The following JMJD1C variants were observed in gnomAD, a reference collection of about 807,000 sequenced individuals.
JMJD1C encodes jumonji domain containing 1C, also known as jumonji domain-containing protein 1C.
JMJD1C carries 31 observed loss-of-function variants against 245.3 expected under a neutral mutation model. That is an observed-to-expected ratio of 0.13 (90% CI 0.09 to 0.17). The LOEUF (loss-of-function observed/expected upper bound fraction) is 0.17. JMJD1C is among the 10% of genes least tolerant of loss of function. JMJD1C has a pLI of 1.00. For missense variants in JMJD1C, 2,691 were observed against 3,000.2 expected, an observed-to-expected ratio of 0.90 and a Z score of 2.41; for synonymous variants, 1,057 against 1,017.4, an observed-to-expected ratio of 1.04 and a Z score of -0.74.
intron 2 of JMJD1C, among the ~76,000 whole-genome samples, chr10:63,373,346 G>C (rs12260434): frequency 0.14 from 20,682 of 152,056 alleles, 3,250 homozygotes; most frequent in African/African-American, 0.39. Context: ...TCCAGAGAAG[G>C]AGCCTGGGTA....
chr10:63,199,243 A>T (rs1176029196), intron 11 of JMJD1C, among the ~76,000 whole-genome samples: 1 of 152,162 alleles, frequency 6.6e-6, no homozygotes, highest in Non-Finnish European at 1.5e-5. Context: ...AACCCCATTA[A>T]TGTGCTTACT....
chr10:63,333,622 C>T (rs940724655), intron 2 of JMJD1C, among the ~76,000 whole-genome samples: 1 of 152,150 alleles, frequency 6.6e-6, no homozygotes, highest in Non-Finnish European at 1.5e-5. Flanking sequence ...TAAAATGTTA[C>T]CATCTTGTGG....
At chr10:63,218,087 A>C (rs2133257123) in intron 4 of JMJD1C, among the ~76,000 whole-genome samples, 1 of 152,216 alleles carries the variant, frequency 6.6e-6, no homozygotes, top group African/African-American at 2.4e-5. Context: ...CTGTAAGGGA[A>C]AAAACTGCTG....
chr10:63,521,615 GC>G, intron 1 of JMJD1C: 1 of 1,370,846 alleles, frequency 7.3e-7, no homozygotes, highest in Non-Finnish European at 9.6e-7. Flanking sequence ...CCGGCGCGAG[GC>G]CCAGGGGAGC....
intron 2 of JMJD1C, among the ~76,000 whole-genome samples, chr10:63,297,710 G>C (rs1383725057): frequency 6.6e-6 from 1 of 152,126 alleles, no homozygotes; most frequent in Non-Finnish European, 1.5e-5. Flanking sequence ...GCCACCCCAT[G>C]GGATGGGAAA....
chr10:63,490,185 G>A (rs1954122767), intron 1 of JMJD1C, among the ~76,000 whole-genome samples: 1 of 152,156 alleles, frequency 6.6e-6, no homozygotes, highest in Non-Finnish European at 1.5e-5. Context: ...AGATGTACAA[G>A]CTGTCTCCAA....
chr10:63,457,997 T>A (rs1952524330), intron 1 of JMJD1C, among the ~76,000 whole-genome samples: 1 of 152,204 alleles, frequency 6.6e-6, no homozygotes, highest in Non-Finnish European at 1.5e-5. Context: ...ATCAACATTT[T>A]CATCAATGGG....
intron 3 of JMJD1C, among the ~76,000 whole-genome samples, chr10:63,259,977 C>T (rs1455701268): frequency 1.3e-5 from 2 of 151,848 alleles, no homozygotes; most frequent in African/African-American, 4.8e-5. Context: ...TCTCGGCTCA[C>T]TGCAACCTCC....
intron 3 of JMJD1C, among the ~76,000 whole-genome samples, chr10:63,220,627 G>A (rs1412486674): frequency 6.6e-6 from 1 of 152,160 alleles, no homozygotes; most frequent in Admixed American, 6.5e-5. Context: ...TCTCATTGGA[G>A]ATGTGAATCA....
At chr10:63,458,728 T>A (rs878945102) in intron 1 of JMJD1C, among the ~76,000 whole-genome samples, 1 of 135,566 alleles carries the variant, frequency 7.4e-6, no homozygotes, top group African/African-American at 2.6e-5. Flanking sequence ...TTTTTATTTA[T>A]TTATTTTTTT....
chr10:63,253,974 C>T (rs1465537073), intron 3 of JMJD1C, among the ~76,000 whole-genome samples: 1 of 152,092 alleles, frequency 6.6e-6, no homozygotes, highest in Non-Finnish European at 1.5e-5. Flanking sequence ...ACAAACCTGG[C>T]CCTTAAATAT....
intron 1 of JMJD1C, among the ~76,000 whole-genome samples, chr10:63,487,346 G>A (rs1277880900): frequency 6.6e-6 from 1 of 152,198 alleles, no homozygotes; most frequent in Non-Finnish European, 1.5e-5. Flanking sequence ...AACACAGGAG[G>A]GCTGGGGTGA....
At chr10:63,504,263 G>A (rs1954649796) in intron 1 of JMJD1C, among the ~76,000 whole-genome samples, 1 of 152,180 alleles carries the variant, frequency 6.6e-6, no homozygotes, top group Admixed American at 6.5e-5. Context: ...TGCTCTAACA[G>A]AGCTCACATT....
chr10:63,182,749 CCT>C (rs1472824237), intron 22 of JMJD1C, among the ~76,000 whole-genome samples: 16 of 152,312 alleles, frequency 1.1e-4, no homozygotes, highest in African/African-American at 3.4e-4. Context: ...CCCCCTTCTT[CCT>C]CTTTTTACTG....
At chr10:63,416,188 CTT>C (rs1216242060) in intron 1 of JMJD1C, among the ~76,000 whole-genome samples, 1 of 152,016 alleles carries the variant, frequency 6.6e-6, no homozygotes, top group East Asian at 1.9e-4. Flanking sequence ...ATAAGAGAAA[CTT>C]ATAACAGTGT....
intron 2 of JMJD1C, among the ~76,000 whole-genome samples, chr10:63,299,612 T>C (rs1859849450): frequency 6.6e-6 from 1 of 152,140 alleles, no homozygotes; most frequent in African/African-American, 2.4e-5. Flanking sequence ...ACATTTCAAA[T>C]GCCCTACAAA....
rs1564603192 is a variant in JMJD1C at position 63,206,639 on chromosome 10, C to T, written c.5030G>A (p.Ser1677Asn). Residue 1677 changes from serine to asparagine, a missense_variant, in exon 10 of 26, where the codon AGT becomes AAT. This residue lies in a region of JMJD1C where 144 missense variants were observed against 143.3 expected (regional missense o/e 1.00). Coordinates refer to ENST00000399262, the MANE Select transcript of JMJD1C (RefSeq NM_032776.3). Reference protein sequence around the residue: ...DLKPNGVLSRSAKERSKLKLQ... With the variant: ...DLKPNGVLSRNAKERSKLKLQ... ...CTTCAGTTTACTTCTTTCTTTGGCA[C>T]TCCTGCTGAGAACTCCATTGGGTTT... The T allele has an allele frequency of 1.2e-6, 2 of 1,605,094 alleles. No individual in the cohort carries two copies. The highest frequency in any genetic ancestry group is 3.5e-5 in the Admixed American group (2 of 57,446).
chr10:63,261,760 A>G (rs1234176877), intron 3 of JMJD1C, among the ~76,000 whole-genome samples: 1 of 152,202 alleles, frequency 6.6e-6, no homozygotes, highest in Non-Finnish European at 1.5e-5. Context: ...TGATTTAATG[A>G]AGAATAAGGC....
chr10:63,384,414 G>T (rs989931877), intron 1 of JMJD1C, among the ~76,000 whole-genome samples: 1 of 152,114 alleles, frequency 6.6e-6, no homozygotes, highest in Non-Finnish European at 1.5e-5. Context: ...TAAATAATAA[G>T]ACTTGAAAAT....
Sources: allele counts gnomAD v4.1 joint callset (sites outside exome capture counted in the v4.1 genomes callset), GRCh38; gene constraint gnomAD v4.1.1; regional missense constraint gnomAD v4.1.1; transcripts MANE v1.5; gene names NCBI Gene and HGNC (gene_info 2026-07-23, HGNC 2026-07-21).